CUL9: variants seen among roughly 807,000 people sequenced by gnomAD.
CUL9 encodes cullin-9.
CUL9 carries 79 observed loss-of-function variants against 272.6 expected under a neutral mutation model. That is an observed-to-expected ratio of 0.29 (90% CI 0.24 to 0.35). The LOEUF (loss-of-function observed/expected upper bound fraction) is 0.35, where lower values mean the gene tolerates loss of function less well. Among genes scored for constraint, CUL9 ranks in the 10% least tolerant of loss-of-function variants. CUL9 has a pLI of 1.00. For missense variants in CUL9, 2,532 were observed against 3,255.6 expected (o/e 0.78, Z 5.41); for synonymous variants, 1,186 against 1,286.5 (o/e 0.92, Z 1.67).
intron 26 of CUL9, among the ~76,000 whole-genome samples, chr6:43,210,805 T>C (rs976984333): frequency 6.6e-6 from 1 of 152,186 alleles, no homozygotes; most frequent in Admixed American, 6.5e-5. Context: ...CTTCTTATTT[T>C]GTGTTTTTGT....
Position 43,205,044 on chromosome 6 carries a change from G to A in CUL9, c.4561G>A (p.Ala1521Thr). Residue 1521 changes from alanine (A) to threonine (T), a missense_variant, in exon 23 of 41, where the codon GCC (alanine) becomes ACC (threonine). Physicochemically the swap from Ala to Thr is moderately conservative, Grantham distance 58 (BLOSUM62 0). Around this residue, in one of 3 missense-constraint regions of CUL9, gnomAD observed 2,218 missense variants for 2,788.6 expected, o/e 0.80. Transcript: ENST00000252050. ...AGSELFGPRAAFMLALRSGFS... is the reference protein window; with the variant it reads ...AGSELFGPRATFMLALRSGFS... ...CTCCGAGCTGTTTGGGCCTCGGGCA[G>A]CCTTCATGCTGGCTCTGCGCAGTGG... 6.2e-7 allele frequency: 1 copy of A among 1,612,510 alleles called. No homozygotes were observed. The highest frequency in any genetic ancestry group is 8.5e-7 in the Non-Finnish European group (1 of 1,179,532).
Position 43,204,919 on chromosome 6 carries a change from G to A in CUL9, c.4450-14G>A, listed in dbSNP as rs370246161. 5 of 1,608,544 alleles carry A rather than the reference G, an allele frequency of 3.1e-6. No individual in the cohort carries two copies. The highest frequency in any genetic ancestry group is 4.3e-6 in the Non-Finnish European group (5 of 1,176,128). On this transcript the variant is annotated splice_polypyrimidine_tract_variant and intron_variant, in intron 22 of 40. Coordinates refer to ENST00000252050, the MANE Select transcript of CUL9 (RefSeq NM_015089.4). ...GGCTGCTCCTTTTATGTCATTTCTTGCCTTTCTCCTCAGGTCAGCAGATTC... is the reference window on the plus strand; with the variant it reads ...GGCTGCTCCTTTTATGTCATTTCTTACCTTTCTCCTCAGGTCAGCAGATTC...
At chr6:43,182,795 G>A (rs1772532923) in intron 1 of CUL9, among the ~76,000 whole-genome samples, 1 of 151,858 alleles carries the variant, frequency 6.6e-6, no homozygotes, top group African/African-American at 2.4e-5. Context: ...TCTTCATCTG[G>A]GTTTACCTTC....
chr6:43,192,966 G>C (rs1773663660), intron 8 of CUL9, 35 bp from the exon 9 acceptor site: 1 of 1,601,516 alleles, frequency 6.2e-7, no homozygotes, highest in Admixed American at 1.7e-5. Flanking sequence ...AAGACTCCTT[G>C]GGATGGGGAG....
chr6:43,188,568 A>G lies in CUL9; in HGVS notation c.2033A>G (p.Asp678Gly), dbSNP rs749189932. The change falls in exon 8 of 41, where the codon GAT becomes GGT. Residue 678 changes from aspartate (D) to glycine (G), a missense_variant. Around this residue, in one of 3 missense-constraint regions of CUL9, gnomAD observed 2,218 missense variants for 2,788.6 expected, o/e 0.80. Coordinates refer to ENST00000252050, the MANE Select transcript of CUL9 (RefSeq NM_015089.4). The stretch of plus-strand genomic sequence containing the variant: ...GGTCCCGGTCCTCGCAGCTCCCTGG[A>G]TCAGCATGTGGCAGCGGTCGTGGCC... The part of the protein sequence containing the change: ...LRGPGPRSSL[D>G]QHVAAVVATV... 6.2e-7 allele frequency: 1 copy of G among 1,613,986 alleles called. No individual in the cohort carries two copies. The highest frequency in any genetic ancestry group is 8.5e-7 in the Non-Finnish European group (1 of 1,179,940).
At position 43,199,960 on chromosome 6, in the gene CUL9, G is replaced by T. The variant is rs752683860; in HGVS notation, c.3188G>T (p.Arg1063Leu). 6.2e-7 allele frequency: 1 copy of T among 1,614,090 alleles called. No homozygotes were observed. The highest frequency in any genetic ancestry group is 2.2e-5 in the East Asian group (1 of 44,884). ...CAGGAGCTGACCTGCTTCCTACATC[G>T]CCTGGCCTCGATGCATAAGGACTAT... is the stretch of plus-strand genomic sequence containing the variant. ...IVQELTCFLH[R>L]LASMHKDYAV... The change falls in exon 14 of 41, where the codon CGC (arginine) becomes CTC (leucine). Residue 1063 changes from arginine (R) to leucine (L), a missense_variant. Physicochemically the swap from Arg to Leu is moderately radical, Grantham distance 102. This residue lies in a region of CUL9 where 2,218 missense variants were observed against 2,788.6 expected (regional missense o/e 0.80). Coordinates refer to ENST00000252050, the MANE Select transcript of CUL9 (RefSeq NM_015089.4). The surrounding 1 kb of genome is among the most constrained non-coding windows in gnomAD (Gnocchi z 4.4).
rs768467690 is a variant in CUL9 at position 43,222,357 on chromosome 6, T to C, written c.6888T>C (p.Tyr2296=). ...AARQEKRFQD[Y]NERCTFHHQA... is the part of the protein sequence containing the mutation. ...GCCAGGAGAAGCGGTTTCAGGACTATAATGAGAGGTGCACTTTCCATCACC... is the reference window on the plus strand; with the variant it reads ...GCCAGGAGAAGCGGTTTCAGGACTACAATGAGAGGTGCACTTTCCATCACC... Residue 2296 remains tyrosine (Y), a synonymous_variant, in exon 36 of 41, where the codon TAT becomes TAC. Transcript: ENST00000252050. 2 of 1,612,376 alleles carry C rather than the reference T, an allele frequency of 1.2e-6. No individual in the cohort carries two copies. The highest frequency in any genetic ancestry group is 2.2e-5 in the East Asian group (1 of 44,750).
rs576021931 is a variant in CUL9 at position 43,213,988 on chromosome 6, C to A, written c.5688+76C>A. The A allele has an allele frequency of 4.8e-6, 7 of 1,448,202 alleles. No individual in the cohort carries two copies. Among genetic ancestry groups the A allele is most frequent in the Non-Finnish European group, 6.8e-6 (7 of 1,034,990 alleles). 89.7% of individuals were successfully genotyped at this position (1,448,202 alleles called of 1,614,324 possible). A position where few individuals can be genotyped will look rare whatever the true frequency, so the allele number is the denominator to read the frequency against. On this transcript the variant is annotated intron_variant, in intron 29 of 40. Transcript: ENST00000252050. The surrounding 1 kb of genome is among the most constrained non-coding windows in gnomAD (Gnocchi z 5.7). The stretch of plus-strand genomic sequence containing the variant: ...GGATTGGGGATGAACACAGTGAACT[C>A]TTTCAATATAAGACTTCTGTAGGGT...
intron 9 of CUL9, among the ~76,000 whole-genome samples, chr6:43,193,419 A>G (rs1773705129): frequency 6.6e-6 from 1 of 152,160 alleles, no homozygotes; most frequent in Non-Finnish European, 1.5e-5. Context: ...TTTTTGTTGG[A>G]GACAGGATCT....
rs374250405 is a variant in CUL9, at chr6:43,213,608, G to A, written c.5488+41G>A. ...CCGGGCTGAGCCTCTGCTGCTGGTC[G>A]GGGGGTCGCCCTCAAGATGGGGGGA... On this transcript the variant is annotated intron_variant, in intron 28 of 40. Coordinates refer to ENST00000252050, the MANE Select transcript of CUL9 (RefSeq NM_015089.4). This position sits in a 1 kb window ranked among gnomAD's most constrained non-coding sequence, Gnocchi z 5.7. 11 of 1,605,230 alleles carry A rather than the reference G, an allele frequency of 6.9e-6. No homozygotes were observed. Among genetic ancestry groups the A allele is most frequent in the African/African-American group, 6.7e-5 (5 of 74,496 alleles).
At position 43,200,425 on chromosome 6, in the gene CUL9, T is replaced by C; in HGVS notation, c.3385-11T>C. 1 of 1,614,146 alleles carries C rather than the reference T, an allele frequency of 6.2e-7. No individual in the cohort carries two copies. The highest frequency in any genetic ancestry group is 8.5e-7 in the Non-Finnish European group (1 of 1,180,018). Reference sequence around the variant, plus strand: ...TCCTCTTCCTCATTCTCCCTGATGTTCCGGCTGCAGATGGTGCTGGGCCAG... The same window carrying C: ...TCCTCTTCCTCATTCTCCCTGATGTCCCGGCTGCAGATGGTGCTGGGCCAG... On this transcript the variant is annotated splice_polypyrimidine_tract_variant and intron_variant, in intron 14 of 40. Coordinates refer to ENST00000252050, the MANE Select transcript of CUL9 (RefSeq NM_015089.4). The surrounding 1 kb of genome is among the most constrained non-coding windows in gnomAD (Gnocchi z 4.0).
In CUL9 at chr6:43,218,600, GT is replaced by G. The variant is rs1357497295; in HGVS notation, c.6283-1858del. On this transcript the variant is annotated intron_variant, in intron 31 of 40. Transcript: ENST00000252050. This position sits in a 1 kb window ranked among gnomAD's most constrained non-coding sequence, Gnocchi z 4.4. ...GAGTGGAAGCAGGAAGGCCCATTTG[GT>G]GACTGTTGTACGAGAGACAAGAGAT... 1.5e-4 allele frequency among the ~76,000 whole-genome samples: 23 copies of G among 152,220 alleles called. No homozygotes were observed. The highest frequency in any genetic ancestry group is 5.5e-4 in the African/African-American group (23 of 41,470).
intron 20 of CUL9, 74 bp downstream of exon 20, chr6:43,204,061 C>T (rs1774854749): frequency 6.6e-7 from 1 of 1,511,966 alleles, no homozygotes; most frequent in Non-Finnish European, 8.9e-7. Flanking sequence ...AGTTAATGCT[C>T]TTGGTTCTTT....
intron 26 of CUL9, among the ~76,000 whole-genome samples, chr6:43,209,884 G>C (rs1775338125): frequency 6.6e-6 from 1 of 152,134 alleles, no homozygotes; most frequent in Non-Finnish European, 1.5e-5. Flanking sequence ...CTGACCTTGT[G>C]ATCTGTCTGC....
In CUL9 at chr6:43,184,539, C is replaced by T. The variant is rs1325998777; in HGVS notation, c.229C>T (p.Pro77Ser). 59 of 1,612,900 alleles carry T rather than the reference C, an allele frequency of 3.7e-5. No individual in the cohort carries two copies. Among genetic ancestry groups the T allele is most frequent in the Non-Finnish European group, 5.0e-5 (59 of 1,179,194 alleles). The change falls in exon 2 of 41, where the codon CCT becomes TCT. Residue 77 changes from proline to serine, a missense_variant. By Grantham distance (74) the Pro-to-Ser change is moderately conservative. Coordinates refer to ENST00000252050, the MANE Select transcript of CUL9 (RefSeq NM_015089.4). The surrounding 1 kb of genome is among the most constrained non-coding windows in gnomAD (Gnocchi z 4.8). ...LSAPEVYANC[P>S]GLLGERALSK... ...GGCTCCTGAGGTCTACGCCAACTGC[C>T]CTGGGCTGTTAGGTGAGCGGGCACT...
Position 43,224,006 on chromosome 6 carries a change from GC to G in CUL9, c.7285-86del. On this transcript the variant is annotated intron_variant, in intron 39 of 40. Transcript: ENST00000252050. The surrounding 1 kb of genome is among the most constrained non-coding windows in gnomAD (Gnocchi z 4.2). ...GGGGAGCAGTCCTAGCAGGAGCTTG[GC>G]CCTCCCAGAGCATCAGTGGAAGGAA... is the stretch of plus-strand genomic sequence containing the variant. 7.9e-7 allele frequency: 1 copy of G among 1,271,836 alleles called. No individual in the cohort carries two copies. The highest frequency in any genetic ancestry group is 1.2e-5 in the South Asian group (1 of 83,654). The allele number at this position is 1,271,836 out of a possible 1,614,324, so 78.8% of individuals were successfully genotyped here. A position where few individuals can be genotyped will look rare whatever the true frequency, so the allele number is the denominator to read the frequency against.
At chr6:43,214,972 C>G (rs1775810804) in intron 29 of CUL9, 107 bp from the exon 30 acceptor site, 8 of 1,343,032 alleles carry the variant, frequency 6.0e-6, no homozygotes, top group Middle Eastern at 1.9e-4. Flanking sequence ...GCAAGACTGT[C>G]TCTTAAAAAA....
At position 43,184,745 on chromosome 6, in the gene CUL9, C is replaced by T; in HGVS notation, c.435C>T (p.Thr145=). ...TPSLTAAVLH[T]IHVLSAYASI... Reference sequence around the variant, plus strand: ...GCCTCACGGCCGCTGTGCTTCACACCATCCACGTGCTCAGTGCCTACGCCA... The same window carrying T: ...GCCTCACGGCCGCTGTGCTTCACACTATCCACGTGCTCAGTGCCTACGCCA... The change falls in exon 2 of 41, where the codon ACC becomes ACT. Residue 145 remains threonine (T), a synonymous_variant. Coordinates refer to ENST00000252050, the MANE Select transcript of CUL9 (RefSeq NM_015089.4). The surrounding 1 kb of genome is among the most constrained non-coding windows in gnomAD (Gnocchi z 4.8). 6.2e-7 allele frequency: 1 copy of T among 1,614,196 alleles called. No individual in the cohort carries two copies. Among genetic ancestry groups the T allele is most frequent in the South Asian group, 1.1e-5 (1 of 91,086 alleles).
At position 43,186,408 on chromosome 6, in the gene CUL9, G is replaced by A. The variant is rs1772916480; in HGVS notation, c.1204G>A (p.Asp402Asn). 1 of 1,606,588 alleles carries A rather than the reference G, an allele frequency of 6.2e-7. No individual in the cohort carries two copies. The highest frequency in any genetic ancestry group is 8.5e-7 in the Non-Finnish European group (1 of 1,173,806). The change falls in exon 4 of 41, where the codon GAC (aspartate) becomes AAC (asparagine). Residue 402 changes from aspartate (D) to asparagine (N), a missense_variant. By Grantham distance (23) the Asp-to-Asn change is conservative. This residue lies in a region of CUL9 where 2,218 missense variants were observed against 2,788.6 expected (regional missense o/e 0.80). Transcript: ENST00000252050. ...TGATTATGAGGAGATCAGTGCTGGGGACGAGGGCGAGTTCCGGCAGAGCAA... is the reference window on the plus strand; with the variant it reads ...TGATTATGAGGAGATCAGTGCTGGGAACGAGGGCGAGTTCCGGCAGAGCAA... ...LDDYEEISAG[D>N]EGEFRQSNNG...
Sources: allele counts gnomAD v4.1 joint callset (sites outside exome capture counted in the v4.1 genomes callset), GRCh38; gene constraint gnomAD v4.1.1; regional missense constraint gnomAD v4.1.1; non-coding constraint Gnocchi (gnomAD v3.1); transcripts MANE v1.5; gene names NCBI Gene and HGNC (gene_info 2026-07-23, HGNC 2026-07-21).